LOC400499: variants seen among roughly 807,000 people sequenced by gnomAD.
chr16:11,440,255 A>G, the LOC400499 span, among the ~76,000 whole-genome samples: 1 of 152,188 alleles, frequency 6.6e-6, no homozygotes, highest in African/African-American at 2.4e-5. Flanking sequence ...TATATTCACC[A>G]AACTACATTT....
the LOC400499 span, among the ~76,000 whole-genome samples, chr16:11,437,336 A>G: frequency 6.6e-6 from 1 of 152,178 alleles, no homozygotes; most frequent in African/African-American, 2.4e-5. Context: ...AGGCAGGAGG[A>G]CTGCTGAAGG....
At chr16:11,463,475 TAC>T in the LOC400499 span, among the ~76,000 whole-genome samples, 1 of 150,326 alleles carries the variant, frequency 6.7e-6, no homozygotes, top group Non-Finnish European at 1.5e-5. Flanking sequence ...GACGTGTATG[TAC>T]ACAGACATGT....
the LOC400499 span, among the ~76,000 whole-genome samples, chr16:11,446,324 A>ATT: frequency 1.8e-4 from 27 of 151,204 alleles, no homozygotes; most frequent in Admixed American, 4.6e-4. Flanking sequence ...TAATTAAACA[A>ATT]TTTTTTTTTC....
chr16:11,494,635 C>A, the LOC400499 span: 1 of 399,328 alleles, frequency 2.5e-6, no homozygotes, highest in Non-Finnish European at 4.4e-6. Flanking sequence ...CTCCCAGGAT[C>A]CTCACTAGGG....
the LOC400499 span, among the ~76,000 whole-genome samples, chr16:11,526,796 C>T: frequency 6.6e-6 from 1 of 152,118 alleles, no homozygotes; most frequent in African/African-American, 2.4e-5. Context: ...ACTGCAGCCT[C>T]GACCTGCTGG....
chr16:11,506,732 G>T, the LOC400499 span, among the ~76,000 whole-genome samples: 1 of 152,126 alleles, frequency 6.6e-6, no homozygotes, highest in Non-Finnish European at 1.5e-5. Flanking sequence ...GCTTTCTATT[G>T]AGCGCTGAGT....
the LOC400499 span, chr16:11,462,374 G>T: frequency 1.4e-5 from 19 of 1,399,120 alleles, no homozygotes; most frequent in Non-Finnish European, 1.8e-5. Flanking sequence ...ACACGAACTG[G>T]GACCAGACAG....
the LOC400499 span, among the ~76,000 whole-genome samples, chr16:11,511,667 G>A: frequency 1.3e-5 from 2 of 152,208 alleles, no homozygotes; most frequent in African/African-American, 2.4e-5. Flanking sequence ...TTGAGTGGCT[G>A]CCAGGGTCTG....
chr16:11,396,789 G>T, the LOC400499 span: 2 of 856,246 alleles, frequency 2.3e-6, no homozygotes, highest in Non-Finnish European at 3.1e-6. Context: ...CTCCACACCT[G>T]TCGCAGCTCA....
chr16:11,495,133 C>T, the LOC400499 span, among the ~76,000 whole-genome samples: 4 of 151,776 alleles, frequency 2.6e-5, no homozygotes, highest in African/African-American at 9.7e-5. Flanking sequence ...CCCTTGAACC[C>T]GGGAAGCAGA....
the LOC400499 span, among the ~76,000 whole-genome samples, chr16:11,478,955 G>C: frequency 1.3e-5 from 2 of 152,182 alleles, no homozygotes; most frequent in Non-Finnish European, 2.9e-5. Flanking sequence ...ATCCATGTAA[G>C]ACGTGACTTC....
the LOC400499 span, chr16:11,431,262 G>T: frequency 5.0e-6 from 2 of 399,096 alleles, no homozygotes; most frequent in East Asian, 7.1e-5. Flanking sequence ...TAAGATCATG[G>T]GCTTTGTAGT....
the LOC400499 span, among the ~76,000 whole-genome samples, chr16:11,378,872 G>T: frequency 7.0e-4 from 107 of 152,316 alleles, no homozygotes; most frequent in African/African-American, 2.4e-3. Flanking sequence ...GCTGTTGGGT[G>T]AAGTTGTCTG....
At chr16:11,479,261 G>C in the LOC400499 span, among the ~76,000 whole-genome samples, 9 of 152,164 alleles carry the variant, frequency 5.9e-5, no homozygotes, top group East Asian at 5.8e-4. Flanking sequence ...CCAATGCTGA[G>C]AGACTGTGTG....
the LOC400499 span, among the ~76,000 whole-genome samples, chr16:11,481,147 G>C: frequency 4.6e-5 from 7 of 152,324 alleles, no homozygotes; most frequent in Non-Finnish European, 5.9e-5. Flanking sequence ...ATCCAGAAGA[G>C]GTAAATCCAT....
the LOC400499 span, among the ~76,000 whole-genome samples, chr16:11,457,332 G>A: frequency 6.6e-6 from 1 of 151,964 alleles, no homozygotes; most frequent in Admixed American, 6.6e-5. Context: ...GGTGGCTCAC[G>A]CCTGTAATCC....
chr16:11,411,255 G>C, the LOC400499 span: 7 of 399,220 alleles, frequency 1.8e-5, no homozygotes, highest in Non-Finnish European at 3.1e-5. Context: ...CCTTAGCTGA[G>C]GCTGAGGCTG....
chr16:11,481,253 T>TA, the LOC400499 span, among the ~76,000 whole-genome samples: 15 of 152,126 alleles, frequency 9.9e-5, no homozygotes, highest in Non-Finnish European at 1.9e-4. Flanking sequence ...TTGGGGGTGA[T>TA]AAAAATGTTC....
the LOC400499 span, among the ~76,000 whole-genome samples, chr16:11,463,842 T>A: frequency 2.0e-5 from 3 of 152,112 alleles, no homozygotes; most frequent in Non-Finnish European, 4.4e-5. Flanking sequence ...TTTATGGACA[T>A]GTATGTGTGT....
Sources: allele counts gnomAD v4.1 joint callset (sites outside exome capture counted in the v4.1 genomes callset), GRCh38; gene constraint gnomAD v4.1.1; transcripts MANE v1.5.